The following FBN1 variants were observed in gnomAD, a reference collection of about 807,000 sequenced individuals.
FBN1 encodes the protein fibrillin-1.
A neutral mutation model predicts 365.1 loss-of-function variants in FBN1; 29 were observed. The observed-to-expected ratio is 0.08, with a 90% CI of 0.06 to 0.11. FBN1 has a LOEUF of 0.11. Among genes scored for constraint, FBN1 ranks in the 10% least tolerant of loss-of-function variants. FBN1 has a pLI of 1.00. For synonymous variants in FBN1, 1,210 were observed against 1,270.5 expected (o/e 0.95, Z 1.01); for missense variants, 2,476 against 3,703.2 (o/e 0.67, Z 8.60).
chr15:48,558,504 GT>G (rs1161166561), intron 6 of FBN1, among the ~76,000 whole-genome samples: 1 of 152,012 alleles, frequency 6.6e-6, no homozygotes, highest in African/African-American at 2.4e-5. Context: ...AGTTTTTTTT[GT>G]TAAAGCTGTT....
intron 3 of FBN1, among the ~76,000 whole-genome samples, chr15:48,611,179 T>C (rs909949088): frequency 1.3e-5 from 2 of 152,158 alleles, no homozygotes; most frequent in Admixed American, 6.5e-5. Context: ...ACAAGAAATA[T>C]ATTATTATAT....
In FBN1 at chr15:48,430,756, T is replaced by C. The variant is rs745366819; in HGVS notation, c.6786A>G (p.Gln2262=). The C allele has an allele frequency of 3.1e-6, 5 of 1,613,946 alleles. No homozygotes were observed. The highest frequency in any genetic ancestry group is 3.4e-6 in the Non-Finnish European group (4 of 1,179,860). The stretch of plus-strand genomic sequence containing the variant: ...TGCCAATGAGGTTCTTGCATTCCAT[T>C]TGTTTTTCAGTACAGTCATGTTTTC... The part of the protein sequence containing the change: ...EEGKHDCTEK[Q]MECKNLIGTY... The change falls in exon 56 of 66, where the codon CAA becomes CAG. Residue 2262 remains glutamine (Q), a synonymous_variant. Transcript: ENST00000316623.
At chr15:48,593,083 TG>T (rs1477252900) in intron 6 of FBN1, among the ~76,000 whole-genome samples, 1 of 152,222 alleles carries the variant, frequency 6.6e-6, no homozygotes, top group Admixed American at 6.5e-5. Context: ...CTTATTACAC[TG>T]TTATATGACT....
At chr15:48,628,230 T>G (rs968767799) in intron 2 of FBN1, among the ~76,000 whole-genome samples, 6 of 151,818 alleles carry the variant, frequency 4.0e-5, no homozygotes, top group African/African-American at 7.3e-5. Context: ...CAAAGGGGAC[T>G]GGGTGTACCA....
chr15:48,563,773 G>T (rs1477222946), intron 6 of FBN1, among the ~76,000 whole-genome samples: 1 of 152,120 alleles, frequency 6.6e-6, no homozygotes, highest in Non-Finnish European at 1.5e-5. Flanking sequence ...ATCCTACAAC[G>T]ATTTGTTTCC....
Position 48,412,645 on chromosome 15 carries a change from T to G in FBN1, c.8150A>C (p.Glu2717Ala). The G allele has an allele frequency of 6.2e-7, 1 of 1,614,210 alleles. No homozygotes were observed. The highest frequency in any genetic ancestry group is 8.5e-7 in the Non-Finnish European group (1 of 1,180,024). ...DNSLSPEACYECKINGYPKRG... is the reference protein window; with the variant it reads ...DNSLSPEACYACKINGYPKRG... ...TTTGGGGTAGCCATTGATCTTACAC[T>G]CGTAACAAGCCTCTGGGGAGAGTGA... is the stretch of plus-strand genomic sequence containing the variant. Residue 2717 changes from glutamate to alanine, a missense_variant, in exon 65 of 66, where the codon GAG becomes GCG. Glu to Ala is a moderately radical substitution (Grantham distance 107). Around this residue, in one of 5 missense-constraint regions of FBN1, gnomAD observed 177 missense variants for 192.7 expected, o/e 0.92. Coordinates refer to ENST00000316623, the MANE Select transcript of FBN1 (RefSeq NM_000138.5).
At chr15:48,449,048 T>C (rs144345863) in intron 45 of FBN1, among the ~76,000 whole-genome samples, 155 bp from the exon 46 acceptor site, 161 of 152,256 alleles carry the variant, frequency 1.1e-3, no homozygotes, top group African/African-American at 3.8e-3. Context: ...TAAAACTTAC[T>C]CTCATTTACC....
chr15:48,468,455 G>A lies in FBN1; in HGVS notation c.4539C>T (p.Cys1513=). 1 of 1,614,172 alleles carries A rather than the reference G, an allele frequency of 6.2e-7. No individual in the cohort carries two copies. Among genetic ancestry groups the A allele is most frequent in the South Asian group, 1.1e-5 (1 of 91,078 alleles). The change falls in exon 37 of 66, where the codon TGC becomes TGT. Residue 1513 remains cysteine, a synonymous_variant. Coordinates refer to ENST00000316623, the MANE Select transcript of FBN1 (RefSeq NM_000138.5). ...VNTPGSYICD[C]PPDFELNPTR... ...TTGGGTTCAGTTCAAAATCAGGTGG[G>A]CAGTCACAGATATAGCTGCCTGGAG...
intron 2 of FBN1, among the ~76,000 whole-genome samples, chr15:48,622,542 A>G (rs1175310467): frequency 6.6e-6 from 1 of 152,104 alleles, no homozygotes; most frequent in Non-Finnish European, 1.5e-5. Context: ...GACCAATATC[A>G]TGTTCTTTTT....
intron 13 of FBN1, among the ~76,000 whole-genome samples, chr15:48,511,175 T>C (rs2043756045): frequency 1.3e-5 from 2 of 152,204 alleles, no homozygotes; most frequent in African/African-American, 2.4e-5. Flanking sequence ...TTACTCTGAC[T>C]GTTTACCCTG....
chr15:48,436,327 G>A (rs1361141931), intron 53 of FBN1, among the ~76,000 whole-genome samples: 1 of 152,072 alleles, frequency 6.6e-6, no homozygotes, highest in South Asian at 2.1e-4. Context: ...CTGATTTCTT[G>A]TATGGAAAAA....
intron 27 of FBN1, 85 bp from the exon 28 acceptor site, chr15:48,487,522 T>A: frequency 6.3e-7 from 1 of 1,577,474 alleles, no homozygotes; most frequent in Non-Finnish European, 8.6e-7. Context: ...CATTGCTGGG[T>A]GTCCATCTTG....
At chr15:48,632,278 A>T (rs1286407548) in intron 2 of FBN1, among the ~76,000 whole-genome samples, 1 of 152,232 alleles carries the variant, frequency 6.6e-6, no homozygotes, top group Non-Finnish European at 1.5e-5. Flanking sequence ...TGTGGTATCC[A>T]GATAGGTATG....
At chr15:48,466,390 A>AT (rs1440091026) in intron 38 of FBN1, among the ~76,000 whole-genome samples, 7 of 152,266 alleles carry the variant, frequency 4.6e-5, no homozygotes, top group Admixed American at 4.6e-4. Context: ...GGCAATATTG[A>AT]TTCTCTTGGT....
Position 48,600,279 on chromosome 15 carries a change from T to C in FBN1, c.347-45A>G, listed in dbSNP as rs748947010. 5.6e-5 allele frequency: 78 copies of C among 1,391,830 alleles called. No individual in the cohort carries two copies. The Admixed American group carries it at 7.5e-4, about 13-fold the overall frequency. The allele number at this position is 1,391,830 out of a possible 1,614,324, so 86.2% of individuals were successfully genotyped here. Reference sequence around the variant, plus strand: ...AATTCACTTTTGCAACTTAAATGCATAGATTGCAACAGCTCACAGGAGTTG... The same window carrying C: ...AATTCACTTTTGCAACTTAAATGCACAGATTGCAACAGCTCACAGGAGTTG... On this transcript the variant is annotated intron_variant, in intron 4 of 65. Coordinates refer to ENST00000316623, the MANE Select transcript of FBN1 (RefSeq NM_000138.5).
intron 6 of FBN1, among the ~76,000 whole-genome samples, chr15:48,594,669 C>T (rs2044503701): frequency 6.6e-6 from 1 of 152,166 alleles, no homozygotes; most frequent in Admixed American, 6.5e-5. Context: ...ACTGTGTTAT[C>T]ATCAATATCA....
intron 58 of FBN1, among the ~76,000 whole-genome samples, chr15:48,426,573 C>G (rs2042980892): frequency 6.6e-6 from 1 of 151,976 alleles, no homozygotes; most frequent in East Asian, 1.9e-4. Flanking sequence ...CACATCTTGA[C>G]CCATTTTACC....
chr15:48,591,368 T>C (rs925994257), intron 6 of FBN1, among the ~76,000 whole-genome samples: 23 of 151,886 alleles, frequency 1.5e-4, no homozygotes, highest in Admixed American at 1.0e-3. Flanking sequence ...CAAAAAAGAG[T>C]TCCAAACACA....
chr15:48,437,301 A>C, intron 52 of FBN1, 21 bp downstream of exon 52: 1 of 1,596,670 alleles, frequency 6.3e-7, no homozygotes. Context: ...AAATGCTGAG[A>C]ATCCAGCACA....
Sources: allele counts gnomAD v4.1 joint callset (sites outside exome capture counted in the v4.1 genomes callset), GRCh38; gene constraint gnomAD v4.1.1; regional missense constraint gnomAD v4.1.1; transcripts MANE v1.5; gene names NCBI Gene and HGNC (gene_info 2026-07-23, HGNC 2026-07-21).